Variants in RPGR observed in about 807,000 individuals in gnomAD.
RPGR encodes retinitis pigmentosa GTPase regulator, also known as X-linked retinitis pigmentosa GTPase regulator.
In RPGR, 10 loss-of-function variants were observed where a neutral mutation model predicts 56.3. That is an observed-to-expected ratio of 0.18 (90% CI 0.11 to 0.30). The LOEUF is 0.30. RPGR is among the 10% of genes least tolerant of loss of function. The pLI is 1.00. For synonymous variants in RPGR, 197 were observed against 212.9 expected, an observed-to-expected ratio of 0.93 and a Z score of 0.65; for missense variants, 538 against 590.9, an observed-to-expected ratio of 0.91 and a Z score of 0.93.
chrX:38,279,076 G>T, intron 15 of RPGR: 1 of 261,085 alleles, frequency 3.8e-6, no homozygotes, highest in Non-Finnish European at 7.2e-6. Flanking sequence ...ATTTTCACTA[G>T]AAATCACATC....
At chrX:38,323,044 C>A in intron 2 of RPGR, 99 bp from the exon 3 acceptor site, 2 of 655,484 alleles carry the variant, frequency 3.1e-6, no homozygotes, top group South Asian at 4.7e-5. Flanking sequence ...TTTAAAATGT[C>A]ACTGCTTTTC....
intron 3 of RPGR, among the ~76,000 whole-genome samples, chrX:38,322,468 A>C (rs1368709279): frequency 8.9e-6 from 1 of 112,254 alleles, no homozygotes; most frequent in African/African-American, 3.2e-5. Context: ...AACCAAATAG[A>C]AGCATAATGT....
chrX:38,287,732 C>A, intron 14 of RPGR, 129 bp downstream of exon 14: 1 of 641,905 alleles, frequency 1.6e-6, no homozygotes, highest in Non-Finnish European at 2.5e-6. Flanking sequence ...TGTCCTCCAT[C>A]ACTTTCCTTT....
chrX:38,313,808 CTA>C (rs201650443), intron 6 of RPGR, among the ~76,000 whole-genome samples: 3,583 of 111,892 alleles, frequency 0.032, 94 homozygotes, highest in African/African-American at 0.09. Flanking sequence ...ACTATACATC[CTA>C]TAGTTTGACT....
At chrX:38,303,611 A>G (rs114142046) in intron 8 of RPGR, 7,994 of 280,407 alleles carry the variant, frequency 0.029, 314 homozygotes, top group African/African-American at 0.15. Flanking sequence ...TGATGAATGA[A>G]TAATACTTTT....
At chrX:38,287,024 A>C in intron 15 of RPGR, 1 of 1,209,644 alleles carries the variant, frequency 8.3e-7, no homozygotes, top group Non-Finnish European at 1.1e-6. Context: ...CCTTCCTCAC[A>C]GGTTCCATCC....
intron 1 of RPGR, among the ~76,000 whole-genome samples, chrX:38,324,682 T>C (rs887202931): frequency 4.7e-5 from 5 of 106,807 alleles, no homozygotes; most frequent in African/African-American, 1.7e-4. Context: ...ACCATAAGAG[T>C]TGGAAATGAT....
At chrX:38,302,003 C>T (rs1313666864) in intron 8 of RPGR, among the ~76,000 whole-genome samples, 1 of 111,804 alleles carries the variant, frequency 8.9e-6, no homozygotes, top group African/African-American at 3.3e-5. Flanking sequence ...CTTAACTAAT[C>T]TGGCTCCTGG....
In RPGR at chrX:38,275,282, C is replaced by CTGAGCTCT. The variant is rs1226059128; in HGVS notation, c.2092-144_2092-137dup. The CTGAGCTCT allele has an allele frequency of 9.9e-6, 5 of 503,789 alleles. No individual in the cohort carries two copies. In the Admixed American group the frequency reaches 1.5e-4, roughly 15 times the overall value. 41.5% of individuals were successfully genotyped at this position (503,789 alleles called of 1,213,427 possible). A position where few individuals can be genotyped will look rare whatever the true frequency, so the allele number is the denominator to read the frequency against. On this transcript the variant is annotated intron_variant, in intron 16 of 18. Transcript: ENST00000642395. ...AACATGTGACAATTACTTCACTTTG[C>CTGAGCTCT]TGAGCTCTTGTAAAGTGAGGGGCCT...
chrX:38,301,678 T>C (rs2067504177), intron 8 of RPGR, among the ~76,000 whole-genome samples: 1 of 111,559 alleles, frequency 9.0e-6, no homozygotes, highest in South Asian at 3.8e-4. Flanking sequence ...ACATCATATA[T>C]TCCAAGGGAA....
At chrX:38,290,002 T>C (rs1216134639) in intron 13 of RPGR, among the ~76,000 whole-genome samples, 1 of 111,976 alleles carries the variant, frequency 8.9e-6, no homozygotes, top group African/African-American at 3.2e-5. Flanking sequence ...CAATATTCAT[T>C]GAGCTTCTAC....
intron 3 of RPGR, 35 bp downstream of exon 3, chrX:38,322,818 T>C (rs750140183): frequency 7.5e-6 from 8 of 1,070,591 alleles, no homozygotes; most frequent in Admixed American, 2.2e-5. Flanking sequence ...AAAAATACTT[T>C]ATACAGTTTG....
At chrX:38,291,948 G>A (rs746625867) in intron 11 of RPGR, among the ~76,000 whole-genome samples, 23 of 111,698 alleles carry the variant, frequency 2.1e-4, no homozygotes, top group African/African-American at 2.9e-4. Flanking sequence ...ACACGTATGC[G>A]CACTTGTGCT....
At chrX:38,307,693 T>C (rs909025543) in intron 7 of RPGR, among the ~76,000 whole-genome samples, 1 of 111,922 alleles carries the variant, frequency 8.9e-6, no homozygotes, top group Non-Finnish European at 1.9e-5. Flanking sequence ...GGACTAAATA[T>C]TTTTAAAATT....
intron 5 of RPGR, among the ~76,000 whole-genome samples, chrX:38,318,194 C>G (rs1366598016): frequency 9.1e-6 from 1 of 110,375 alleles, no homozygotes. Flanking sequence ...AAAATAAGAA[C>G]TGAAAGAAGG....
chrX:38,305,702 C>T (rs908697609), intron 7 of RPGR, among the ~76,000 whole-genome samples: 19 of 107,936 alleles, frequency 1.8e-4, no homozygotes, highest in African/African-American at 5.8e-4. Flanking sequence ...GCCAAGATCA[C>T]GCCACTGCAC....
chrX:38,279,101 C>T (rs2066984860), intron 15 of RPGR: 1 of 317,411 alleles, frequency 3.2e-6, no homozygotes, highest in African/African-American at 2.6e-5. Context: ...CACTCACAGA[C>T]TAAGCACATT....
chrX:38,301,339 G>C lies in RPGR; in HGVS notation c.967C>G (p.Arg323Gly). 8.3e-7 allele frequency: 1 copy of C among 1,206,247 alleles called. No homozygotes were observed. Among genetic ancestry groups the C allele is most frequent in the Non-Finnish European group, 1.1e-6 (1 of 890,830 alleles). The change falls in exon 9 of 19, where the codon CGC (arginine) becomes GGC (glycine). Residue 323 changes from arginine to glycine, a missense_variant. Arg to Gly is a moderately radical substitution (Grantham distance 125). Around this residue, in one of 2 missense-constraint regions of RPGR, gnomAD observed 181 missense variants for 265.1 expected, o/e 0.68. Coordinates refer to ENST00000642395, the MANE Select transcript of RPGR (RefSeq NM_000328.3). ...AGTCCAAGTCCTAATTTTCCGTGGC[G>C]ACCATCTCCAAAAGTATACATAAGG...
At chrX:38,287,336 T>G (rs776521267) in intron 14 of RPGR, 91 bp from the exon 15 acceptor site, 1 of 1,168,737 alleles carries the variant, frequency 8.6e-7, no homozygotes, top group East Asian at 3.0e-5. Flanking sequence ...TCAATCAATT[T>G]CCTGCCATAC....
Sources: allele counts gnomAD v4.1 joint callset (sites outside exome capture counted in the v4.1 genomes callset), GRCh38; gene constraint gnomAD v4.1.1; regional missense constraint gnomAD v4.1.1; transcripts MANE v1.5; gene names NCBI Gene and HGNC (gene_info 2026-07-23, HGNC 2026-07-21).